LAMC3: variants seen among roughly 807,000 people sequenced by gnomAD.
LAMC3 encodes laminin subunit gamma-3.
In LAMC3, 128 loss-of-function variants were observed where a neutral mutation model predicts 173.8. The ratio of observed to expected loss-of-function variants is 0.74; its 90% CI spans 0.64 to 0.85. LAMC3 has a LOEUF of 0.85. LAMC3 is among the 40% of genes least tolerant of loss of function. LAMC3 has a pLI of 0.00. For synonymous variants in LAMC3, 897 were observed against 909.1 expected (o/e 0.99, Z 0.24); for missense variants, 2,022 against 2,156.0 (o/e 0.94, Z 1.23).
chr9:131,057,344 T>G (rs1056272058), intron 12 of LAMC3, among the ~76,000 whole-genome samples, 197 bp downstream of exon 12: 1 of 152,248 alleles, frequency 6.6e-6, no homozygotes, highest in Non-Finnish European at 1.5e-5. Flanking sequence ...TACTGGAATT[T>G]GTTGAAGCCT....
At chr9:131,072,155 G>GGAGGGAGA (rs58282611) in intron 18 of LAMC3, among the ~76,000 whole-genome samples, 1 of 151,880 alleles carries the variant, frequency 6.6e-6, no homozygotes, top group African/African-American at 2.4e-5. Flanking sequence ...AGGGAGGGAG[G>GGAGGGAGA]ACCTGGAAAT....
In LAMC3 at chr9:131,087,578, C is replaced by G; in HGVS notation, c.4333C>G (p.Leu1445Val). Reference sequence around the variant, plus strand: ...GCTCCAACAGGCGTCCCAGCAGGTGCTGGCGTCTGAAGCACGCAGACAGGA... The same window carrying G: ...GCTCCAACAGGCGTCCCAGCAGGTGGTGGCGTCTGAAGCACGCAGACAGGA... ...ATLQQASQQV[L>V]ASEARRQELE... Residue 1445 changes from leucine (L) to valine (V), a missense_variant, in exon 26 of 28, where the codon CTG becomes GTG. Physicochemically the swap from Leu to Val is conservative, Grantham distance 32. Transcript: ENST00000361069. 1 of 1,614,038 alleles carries G rather than the reference C, an allele frequency of 6.2e-7. No homozygotes were observed.
chr9:131,019,902 C>T (rs1376106021), intron 1 of LAMC3, among the ~76,000 whole-genome samples: 1 of 151,966 alleles, frequency 6.6e-6, no homozygotes. Flanking sequence ...GGCCCCGCAC[C>T]GCCCACGCCA....
intron 4 of LAMC3, among the ~76,000 whole-genome samples, chr9:131,038,002 G>A (rs554890954): frequency 2.0e-5 from 3 of 152,178 alleles, no homozygotes; most frequent in Non-Finnish European, 4.4e-5. Flanking sequence ...ACGACATGCC[G>A]TCTGCAGCCA....
At chr9:131,023,306 C>G (rs540871681) in intron 1 of LAMC3, among the ~76,000 whole-genome samples, 1 of 152,164 alleles carries the variant, frequency 6.6e-6, no homozygotes, top group African/African-American at 2.4e-5. Context: ...AGTGGAATTG[C>G]TAGGTCCTGT....
Position 131,009,240 on chromosome 9 carries a change from GGCTGGCGCT to G in LAMC3, c.33_41del (p.Leu12_Ala14del), listed in dbSNP as rs1318853603. The G allele has an allele frequency of 3.1e-6, 4 of 1,272,926 alleles. No individual in the cohort carries two copies. Among genetic ancestry groups the G allele is most frequent in the Non-Finnish European group, 3.9e-6 (4 of 1,014,652 alleles). 78.9% of individuals were successfully genotyped at this position (1,272,926 alleles called of 1,614,324 possible). On this transcript the variant is annotated inframe_deletion, in exon 1 of 28. Transcript: ENST00000361069. This position sits in a 1 kb window ranked among gnomAD's most constrained non-coding sequence, Gnocchi z 4.3. ...ATGGCGGCGGCTGCGCTTCTGCTGG[GGCTGGCGCT>G]GCTGGCACCGCGGGCGGCCGGCGCG...
At chr9:131,050,252 G>T (rs1315584374) in intron 9 of LAMC3, among the ~76,000 whole-genome samples, 4 of 152,268 alleles carry the variant, frequency 2.6e-5, no homozygotes, top group Non-Finnish European at 5.9e-5. Context: ...CTCTCAGGCC[G>T]GCCCGCTCCC....
chr9:131,086,553 G>A (rs1028702309), intron 25 of LAMC3, among the ~76,000 whole-genome samples: 4 of 137,634 alleles, frequency 2.9e-5, no homozygotes, highest in African/African-American at 8.3e-5. Flanking sequence ...GACTACAGGT[G>A]TGTGCCACTG....
intron 18 of LAMC3, among the ~76,000 whole-genome samples, chr9:131,072,315 CAT>C (rs1398871278): frequency 3.3e-5 from 5 of 152,324 alleles, no homozygotes; most frequent in Non-Finnish European, 7.3e-5. Context: ...AAAATGCCCA[CAT>C]GTGAGCCACA....
intron 13 of LAMC3, among the ~76,000 whole-genome samples, chr9:131,061,908 G>A (rs1318060268): frequency 2.6e-5 from 4 of 152,082 alleles, no homozygotes; most frequent in African/African-American, 9.7e-5. Context: ...AAAATTAGCT[G>A]GGTGTGGTGG....
chr9:131,061,945 G>A (rs926937864), intron 13 of LAMC3, among the ~76,000 whole-genome samples: 9 of 152,214 alleles, frequency 5.9e-5, no homozygotes, highest in African/African-American at 1.9e-4. Flanking sequence ...CAGATACTCT[G>A]GAGGCTGAGG....
chr9:131,062,115 C>T (rs1829838861), intron 13 of LAMC3, among the ~76,000 whole-genome samples: 1 of 152,118 alleles, frequency 6.6e-6, no homozygotes, highest in Non-Finnish European at 1.5e-5. Context: ...GTAATCCCAG[C>T]ACTTTGGGAG....
At chr9:131,022,457 C>A (rs1407231759) in intron 1 of LAMC3, among the ~76,000 whole-genome samples, 2 of 152,176 alleles carry the variant, frequency 1.3e-5, no homozygotes, top group Non-Finnish European at 2.9e-5. Flanking sequence ...ATACAATTCA[C>A]ATACCGTATA....
At chr9:131,087,644 C>T (rs1434043168) in intron 26 of LAMC3, 22 bp downstream of exon 26, 2 of 1,613,680 alleles carry the variant, frequency 1.2e-6, no homozygotes, top group South Asian at 1.1e-5. Flanking sequence ...AGGGCCCCTA[C>T]CCTATCGCCT....
chr9:131,062,325 C>T (rs1829844850), intron 13 of LAMC3, among the ~76,000 whole-genome samples: 1 of 152,042 alleles, frequency 6.6e-6, no homozygotes, highest in South Asian at 2.1e-4. Flanking sequence ...CGCGCCACTG[C>T]ACTCCAGCCG....
intron 17 of LAMC3, among the ~76,000 whole-genome samples, chr9:131,070,278 A>C (rs899770050): frequency 1.1e-4 from 17 of 152,180 alleles, no homozygotes; most frequent in Admixed American, 5.2e-4. Context: ...ATTCATTGTC[A>C]TGTGTCTGGG....
In LAMC3 at chr9:131,091,686, A is replaced by G. The variant is rs1159588666; in HGVS notation, c.4627A>G (p.Ile1543Val). 6.2e-7 allele frequency: 1 copy of G among 1,610,754 alleles called. No individual in the cohort carries two copies. The highest frequency in any genetic ancestry group is 8.5e-7 in the Non-Finnish European group (1 of 1,178,866). ...GGAATCCCAGCAGCAGGAGCTGCAG[A>G]TCCAGGGCTTCGAGAGTGACCTCGC... ...EQESQQQELQ[I>V]QGFESDLAEI... Residue 1543 changes from isoleucine (I) to valine (V), a missense_variant, in exon 28 of 28, where the codon ATC becomes GTC. Coordinates refer to ENST00000361069, the MANE Select transcript of LAMC3 (RefSeq NM_006059.4).
At position 131,082,469 on chromosome 9, in the gene LAMC3, C is replaced by T. The variant is rs762974985; in HGVS notation, c.4030+308C>T. ...TTCAACCAGGTCAAGTCCACTCTGG[C>T]CTGGGCTCCAGTTAGTTATCTGATA... is the stretch of plus-strand genomic sequence containing the variant. On this transcript the variant is annotated intron_variant, in intron 24 of 27. Coordinates refer to ENST00000361069, the MANE Select transcript of LAMC3 (RefSeq NM_006059.4). Among the ~76,000 whole-genome samples, 5 of 152,314 alleles carry T rather than the reference C, an allele frequency of 3.3e-5. No homozygotes were observed. The South Asian group carries it at 8.3e-4, about 25-fold the overall frequency.
intron 13 of LAMC3, among the ~76,000 whole-genome samples, chr9:131,063,501 C>T (rs1004764983): frequency 2.6e-5 from 4 of 152,196 alleles, no homozygotes; most frequent in Admixed American, 2.6e-4. Context: ...GACCTTCTGC[C>T]AGTGCCCTTC....
Sources: gnomAD v4.1 joint callset for allele counts (sites outside exome capture counted in the v4.1 genomes callset) on GRCh38, gnomAD v4.1.1 for gene constraint, Gnocchi (gnomAD v3.1) non-coding constraint, MANE v1.5 for transcripts, NCBI Gene and HGNC (gene_info 2026-07-23, HGNC 2026-07-21) for gene names.